Variants in NWD2 observed in about 807,000 individuals in gnomAD.
NWD2 encodes NACHT and WD repeat domain containing 2.
Under a neutral mutation model 132.7 loss-of-function variants are expected in NWD2, and 37 were observed. The observed-to-expected ratio is 0.28, with a 90% CI of 0.21 to 0.37. The LOEUF is 0.37. NWD2 is among the 10% of genes least tolerant of loss of function. NWD2 has a pLI of 1.00. For missense variants in NWD2, 1,592 were observed against 2,122.4 expected (o/e 0.75, Z 4.91); for synonymous variants, 705 against 803.0 (o/e 0.88, Z 2.06).
intron 2 of NWD2, among the ~76,000 whole-genome samples, chr4:37,348,093 A>G (rs1577675519): frequency 6.6e-6 from 1 of 152,346 alleles, no homozygotes; most frequent in East Asian, 1.9e-4. Context: ...AAAATCATAC[A>G]AAAATGGAGT....
rs560968394 is a variant in NWD2, at chr4:37,439,631, T to TGGGCTAGTGA, written c.1296+249_1296+250insGAGGGCTAGT. Among the ~76,000 whole-genome samples, 72 of 152,324 alleles carry TGGGCTAGTGA rather than the reference T, an allele frequency of 4.7e-4. No individual in the cohort carries two copies. Among genetic ancestry groups the TGGGCTAGTGA allele is most frequent in the African/African-American group, 1.6e-3 (68 of 41,574 alleles). ...TCTTTCACTGTTCAGACTCATGTTG[T>TGGGCTAGTGA]GGGCTAGTTCCCATCCCTCACCCCA... is the stretch of plus-strand genomic sequence containing the variant. On this transcript the variant is annotated intron_variant, in intron 6 of 6. Transcript: ENST00000309447. The surrounding 1 kb of genome is among the most constrained non-coding windows in gnomAD (Gnocchi z 4.5).
chr4:37,447,518 G>T lies in NWD2; in HGVS notation c.*301G>T. Reference sequence around the variant, plus strand: ...TGAGGCAGCATAATACATCCCACTGGTTAAGATGAGAGAGGCTAGAGTTAT... The same window carrying T: ...TGAGGCAGCATAATACATCCCACTGTTTAAGATGAGAGAGGCTAGAGTTAT... On this transcript the variant is annotated 3_prime_UTR_variant, in exon 7 of 7. Transcript: ENST00000309447. 1 of 380,616 alleles carries T rather than the reference G, an allele frequency of 2.6e-6. No homozygotes were observed. Among genetic ancestry groups the T allele is most frequent in the South Asian group, 3.3e-5 (1 of 29,916 alleles). 23.6% of individuals were successfully genotyped at this position (380,616 alleles called of 1,614,324 possible). A position where few individuals can be genotyped will look rare whatever the true frequency, so the allele number is the denominator to read the frequency against.
chr4:37,351,277 C>T (rs765613090), intron 2 of NWD2, among the ~76,000 whole-genome samples: 1 of 152,030 alleles, frequency 6.6e-6, no homozygotes, highest in Non-Finnish European at 1.5e-5. Context: ...TTTGTACCCT[C>T]AGTAGAATCC....
At chr4:37,412,307 G>A (rs1721175826) in intron 3 of NWD2, among the ~76,000 whole-genome samples, 1 of 152,134 alleles carries the variant, frequency 6.6e-6, no homozygotes, top group African/African-American at 2.4e-5. Context: ...TAAAATCAAT[G>A]TGCAAAAATC....
chr4:37,265,110 C>T (rs963574527), intron 1 of NWD2, among the ~76,000 whole-genome samples: 15 of 151,914 alleles, frequency 9.9e-5, no homozygotes, highest in Admixed American at 2.6e-4. Context: ...CCCCAAAAAG[C>T]GCGGGAGGTG....
chr4:37,430,783 G>T lies in NWD2; in HGVS notation c.561+8G>T, dbSNP rs1362749571. The stretch of plus-strand genomic sequence containing the variant: ...AGAAGCAATAGAAATGCAGTAAGCT[G>T]CCTTTCCCTCAAGCCTATGGATCTG... On this transcript the variant is annotated splice_region_variant and intron_variant, in intron 4 of 6. Transcript: ENST00000309447. 1 of 1,550,094 alleles carries T rather than the reference G, an allele frequency of 6.5e-7. No individual in the cohort carries two copies. Among genetic ancestry groups the T allele is most frequent in the Non-Finnish European group, 8.7e-7 (1 of 1,145,658 alleles).
intron 3 of NWD2, among the ~76,000 whole-genome samples, chr4:37,367,228 A>G (rs953035017): frequency 6.6e-6 from 1 of 152,172 alleles, no homozygotes; most frequent in African/African-American, 2.4e-5. Flanking sequence ...GTTCTAAATA[A>G]ACTATGGGTC....
chr4:37,301,263 T>C (rs147380545), intron 1 of NWD2, among the ~76,000 whole-genome samples: 35 of 152,230 alleles, frequency 2.3e-4, no homozygotes, highest in Non-Finnish European at 4.3e-4. Context: ...TTAGTATTCT[T>C]CATTTTCACT....
chr4:37,279,551 A>G (rs1351722939), intron 1 of NWD2, among the ~76,000 whole-genome samples: 1 of 152,214 alleles, frequency 6.6e-6, no homozygotes, highest in Non-Finnish European at 1.5e-5. Flanking sequence ...AAGCATCTCC[A>G]TTATATCTGC....
At position 37,343,428 on chromosome 4, in the gene NWD2, C is replaced by A. The variant is rs564789086; in HGVS notation, c.241-12938C>A. ...TTACTTTCTTGAAAGAGCTACAGGT[C>A]TTTTAAAAGCTATGTGTTATATATG... is the stretch of plus-strand genomic sequence containing the variant. On this transcript the variant is annotated intron_variant, in intron 2 of 6. Coordinates refer to ENST00000309447, the MANE Select transcript of NWD2 (RefSeq NM_001144990.2). Among the ~76,000 whole-genome samples the A allele has an allele frequency of 7.2e-4, 110 of 152,106 alleles. 1 individual carries two copies. Among genetic ancestry groups the A allele is most frequent in the Non-Finnish European group, 1.4e-3 (94 of 68,004 alleles).
chr4:37,280,924 T>C (rs1718114195), intron 1 of NWD2, among the ~76,000 whole-genome samples: 1 of 152,122 alleles, frequency 6.6e-6, no homozygotes, highest in East Asian at 1.9e-4. Context: ...TGTGGCCTGG[T>C]GCTGTGGCTC....
At chr4:37,359,129 T>A (rs905162798) in intron 3 of NWD2, among the ~76,000 whole-genome samples, 2 of 152,198 alleles carry the variant, frequency 1.3e-5, no homozygotes, top group African/African-American at 2.4e-5. Context: ...TAGACATGAC[T>A]ATGAATTCCA....
rs1453397325 is a variant in NWD2 at position 37,382,760 on chromosome 4, G to A, written c.357+26278G>A. 5.3e-5 allele frequency among the ~76,000 whole-genome samples: 8 copies of A among 151,812 alleles called. 1 individual carries two copies. Among genetic ancestry groups the A allele is most frequent in the African/African-American group, 1.7e-4 (7 of 41,308 alleles). On this transcript the variant is annotated intron_variant, in intron 3 of 6. Transcript: ENST00000309447. ...GGCTGGAGTGCAATGGCGTGATCACGGCTCACTGCAGCCTCCACTCACCAG... is the reference window on the plus strand; with the variant it reads ...GGCTGGAGTGCAATGGCGTGATCACAGCTCACTGCAGCCTCCACTCACCAG...
At chr4:37,321,517 C>A (rs1289237546) in intron 1 of NWD2, among the ~76,000 whole-genome samples, 1 of 151,826 alleles carries the variant, frequency 6.6e-6, no homozygotes, top group Non-Finnish European at 1.5e-5. Flanking sequence ...TGGGCAGATA[C>A]AAATAGTTGC....
At chr4:37,356,040 A>G (rs2109300635) in intron 2 of NWD2, among the ~76,000 whole-genome samples, 1 of 152,292 alleles carries the variant, frequency 6.6e-6, no homozygotes, top group South Asian at 2.1e-4. Flanking sequence ...TACTATGGTA[A>G]CATCATGCCA....
chr4:37,440,046 C>T (rs80083958), intron 6 of NWD2, among the ~76,000 whole-genome samples: 4,141 of 142,012 alleles, frequency 0.029, 131 homozygotes, highest in African/African-American at 0.072. Context: ...ATGTTTAAAG[C>T]TGCCTCCCAT....
At chr4:37,396,057 C>A (rs1230887635) in intron 3 of NWD2, among the ~76,000 whole-genome samples, 2 of 152,152 alleles carry the variant, frequency 1.3e-5, no homozygotes, top group East Asian at 3.8e-4. Flanking sequence ...TCCTATGTGT[C>A]CTCAATTGAG....
At chr4:37,440,771 A>C (rs978161810) in intron 6 of NWD2, among the ~76,000 whole-genome samples, 2 of 152,126 alleles carry the variant, frequency 1.3e-5, no homozygotes, top group African/African-American at 4.8e-5. Context: ...GGAATGTGGT[A>C]TCTGCTGAGT....
intron 3 of NWD2, among the ~76,000 whole-genome samples, chr4:37,425,838 C>A (rs1205496915): frequency 6.6e-6 from 1 of 152,206 alleles, no homozygotes; most frequent in East Asian, 1.9e-4. Context: ...AGGATGCCTT[C>A]TTGCTCATAG....
Sources: gnomAD v4.1 joint callset for allele counts (sites outside exome capture counted in the v4.1 genomes callset) on GRCh38, gnomAD v4.1.1 for gene constraint, Gnocchi (gnomAD v3.1) non-coding constraint, MANE v1.5 for transcripts, NCBI Gene and HGNC (gene_info 2026-07-23, HGNC 2026-07-21) for gene names.